C19orf12: variants seen among roughly 807,000 people sequenced by gnomAD.
C19orf12 encodes chromosome 19 open reading frame 12, also known as protein C19orf12.
A neutral mutation model predicts 3.8 loss-of-function variants in C19orf12; 2 were observed. The ratio of observed to expected loss-of-function variants is 0.53; its 90% CI spans 0.22 to 1.66. C19orf12 has a LOEUF of 1.66. Among genes scored for constraint, C19orf12 ranks in the 40% most tolerant of loss-of-function variants. The pLI is 0.20. For synonymous variants in C19orf12, 89 were observed against 84.6 expected (o/e 1.05, Z -0.28); for missense variants, 156 against 188.8 (o/e 0.83, Z 1.02).
At position 29,700,490 on chromosome 19, in the gene C19orf12, T is replaced by G. The variant is rs535994327; in HGVS notation, c.*2222A>C. ...GGGGGCATGCTCTGATTTTCCATTT[T>G]TAGTTCCAGGGTCCGTATGCAGGAC... is the stretch of plus-strand genomic sequence containing the variant. On this transcript the variant is annotated 3_prime_UTR_variant, in exon 3 of 3. Coordinates refer to ENST00000323670, the MANE Select transcript of C19orf12 (RefSeq NM_031448.6). The G allele has an allele frequency of 3.1e-4, 143 of 454,148 alleles. No homozygotes were observed. The highest frequency in any genetic ancestry group is 5.3e-4 in the South Asian group (34 of 64,474). The allele number at this position is 454,148 out of a possible 1,614,324, so 28.1% of individuals were successfully genotyped here. A position where few individuals can be genotyped will look rare whatever the true frequency, so the allele number is the denominator to read the frequency against.
At chr19:29,703,484 G>A (rs190688177) in intron 2 of C19orf12, among the ~76,000 whole-genome samples, 1 of 149,116 alleles carries the variant, frequency 6.7e-6, no homozygotes, top group South Asian at 2.1e-4. Context: ...AGGTTCAAGC[G>A]ATTCTCCCAC....
intron 1 of C19orf12, among the ~76,000 whole-genome samples, chr19:29,714,546 G>A (rs995669630): frequency 1.1e-4 from 16 of 152,080 alleles, no homozygotes; most frequent in African/African-American, 3.9e-4. Flanking sequence ...ACCTCCTAAA[G>A]CATTAACGAC....
At chr19:29,704,346 G>A (rs553555599) in intron 2 of C19orf12, among the ~76,000 whole-genome samples, 3 of 151,928 alleles carry the variant, frequency 2.0e-5, no homozygotes, top group Admixed American at 6.5e-5. Context: ...GTGGGTGCCT[G>A]TAATCCCAGC....
At position 29,700,386 on chromosome 19, in the gene C19orf12, A is replaced by G. The variant is rs1206491359; in HGVS notation, c.*2326T>C. ...TCTTTGTTGAGGTTTCATTCTCACG[A>G]TATCTGCAAATCAACGTTTTTTCCT... On this transcript the variant is annotated 3_prime_UTR_variant, in exon 3 of 3. Transcript: ENST00000323670. 5 of 454,168 alleles carry G rather than the reference A, an allele frequency of 1.1e-5. No homozygotes were observed. The highest frequency in any genetic ancestry group is 2.2e-5 in the Non-Finnish European group (5 of 226,804). The allele number at this position is 454,168 out of a possible 1,614,324, so 28.1% of individuals were successfully genotyped here.
intron 1 of C19orf12, 144 bp downstream of exon 1, chr19:29,714,981 C>T: frequency 1.4e-6 from 1 of 714,980 alleles, no homozygotes; most frequent in Non-Finnish European, 2.6e-6. Flanking sequence ...TCCACCCCGG[C>T]ACCGGGAGGG....
In C19orf12 at chr19:29,699,517, T is replaced by G; in HGVS notation, c.*3195A>C. On this transcript the variant is annotated 3_prime_UTR_variant, in exon 3 of 3. Transcript: ENST00000323670. ...AAAAAGAAAAAAAGAAAAAAATATATGTGTACCTACATAGCATTAAAACAA... is the reference window on the plus strand; with the variant it reads ...AAAAAGAAAAAAAGAAAAAAATATAGGTGTACCTACATAGCATTAAAACAA... 1 of 440,094 alleles carries G rather than the reference T, an allele frequency of 2.3e-6. No homozygotes were observed. The highest frequency in any genetic ancestry group is 1.7e-5 in the South Asian group (1 of 59,742). 27.3% of individuals were successfully genotyped at this position (440,094 alleles called of 1,614,324 possible).
At position 29,702,617 on chromosome 19, in the gene C19orf12, A is replaced by AG; in HGVS notation, c.*94dup. 2 of 1,523,228 alleles carry AG rather than the reference A, an allele frequency of 1.3e-6. No individual in the cohort carries two copies. The highest frequency in any genetic ancestry group is 1.8e-6 in the Non-Finnish European group (2 of 1,100,562). 94.4% of individuals were successfully genotyped at this position (1,523,228 alleles called of 1,614,324 possible). A position where few individuals can be genotyped will look rare whatever the true frequency, so the allele number is the denominator to read the frequency against. On this transcript the variant is annotated 3_prime_UTR_variant, in exon 3 of 3. Coordinates refer to ENST00000323670, the MANE Select transcript of C19orf12 (RefSeq NM_031448.6). ...TACACTGATGATGTGGAGATTCCCCAGGGGGCATCCGCTGGGCTTCTCCCA... is the reference window on the plus strand; with the variant it reads ...TACACTGATGATGTGGAGATTCCCCAGGGGGGCATCCGCTGGGCTTCTCCCA...
In C19orf12 at chr19:29,702,708, C is replaced by A. The variant is rs367912481; in HGVS notation, c.*4G>T. 5.6e-6 allele frequency: 9 copies of A among 1,613,212 alleles called. No individual in the cohort carries two copies. The African/African-American group carries it at 1.1e-4, about 19-fold the overall frequency. ...GGGGCCCCCCACCTCCCCGGAGGTG[C>A]GGCCTAGTCATCATACTGGATCTCG... On this transcript the variant is annotated 3_prime_UTR_variant, in exon 3 of 3. Transcript: ENST00000323670.
Position 29,701,646 on chromosome 19 carries a change from G to C in C19orf12, c.*1066C>G. ...GGTTTATATCACACCACTTCAGAAA[G>C]AGCAATACAGGCATACCTCATTCTA... On this transcript the variant is annotated 3_prime_UTR_variant, in exon 3 of 3. Coordinates refer to ENST00000323670, the MANE Select transcript of C19orf12 (RefSeq NM_031448.6). 4.4e-6 allele frequency: 2 copies of C among 453,976 alleles called. No individual in the cohort carries two copies. The highest frequency in any genetic ancestry group is 8.8e-6 in the Non-Finnish European group (2 of 226,776). 28.1% of individuals were successfully genotyped at this position (453,976 alleles called of 1,614,324 possible).
chr19:29,706,990 C>T (rs879383149), intron 2 of C19orf12, among the ~76,000 whole-genome samples: 5 of 152,228 alleles, frequency 3.3e-5, no homozygotes, highest in Admixed American at 6.5e-5. Flanking sequence ...GTAACTTCAT[C>T]CCAGCTCCAA....
In C19orf12 at chr19:29,702,944, AT is replaced by A; in HGVS notation, c.193del (p.Met65Ter). On this transcript the variant is annotated frameshift_variant, in exon 3 of 3. Transcript: ENST00000323670. LOFTEE classifies it high-confidence loss of function. ...GAVGGLLGAW[M>X]TSGQFKPVPQ... ...AACCGGCTTAAACTGTCCACTTGTC[AT>A]CCAGGCACCTAACAGCCCCCCGACA... is the stretch of plus-strand genomic sequence containing the variant. The A allele has an allele frequency of 1.2e-6, 2 of 1,614,164 alleles. No homozygotes were observed. Among genetic ancestry groups the A allele is most frequent in the Non-Finnish European group, 1.7e-6 (2 of 1,180,016 alleles).
chr19:29,715,337 C>A (rs1373414554), upstream of C19orf12: 1 of 390,562 alleles, frequency 2.6e-6, no homozygotes, highest in Non-Finnish European at 5.1e-6. Flanking sequence ...CTCCTGGCTC[C>A]GAGCTGCGCC....
rs1325356453 is a variant in C19orf12, at chr19:29,700,643, A to T, written c.*2069T>A. The T allele has an allele frequency of 6.6e-6, 3 of 453,972 alleles. No individual in the cohort carries two copies. The highest frequency in any genetic ancestry group is 1.3e-5 in the Non-Finnish European group (3 of 226,782). The allele number at this position is 453,972 out of a possible 1,614,324, so 28.1% of individuals were successfully genotyped here. A position where few individuals can be genotyped will look rare whatever the true frequency, so the allele number is the denominator to read the frequency against. ...CAACTTAAGTGGCATATAAATGATT[A>T]AAGTGGCTTCATTAACTCCAGGAGT... On this transcript the variant is annotated 3_prime_UTR_variant, in exon 3 of 3. Transcript: ENST00000323670.
chr19:29,707,900 CT>C (rs1972464080), intron 2 of C19orf12, among the ~76,000 whole-genome samples: 2 of 145,614 alleles, frequency 1.4e-5, no homozygotes, highest in Admixed American at 7.0e-5. Flanking sequence ...GAGATAGAGT[CT>C]CGTTCTGTCA....
rs931043321 is a variant in C19orf12, at chr19:29,701,884, A to T, written c.*828T>A. On this transcript the variant is annotated 3_prime_UTR_variant, in exon 3 of 3. Transcript: ENST00000323670. ...TTTAGTGGACTGCAATATGCAGTAA[A>T]CATGACTTAGATGCACTGGGAAACT... 1 of 454,054 alleles carries T rather than the reference A, an allele frequency of 2.2e-6. No homozygotes were observed. Among genetic ancestry groups the T allele is most frequent in the Non-Finnish European group, 4.4e-6 (1 of 226,810 alleles). The allele number at this position is 454,054 out of a possible 1,614,324, so 28.1% of individuals were successfully genotyped here.
At chr19:29,704,208 G>A (rs766850239) in intron 2 of C19orf12, among the ~76,000 whole-genome samples, 2 of 152,284 alleles carry the variant, frequency 1.3e-5, no homozygotes, top group South Asian at 2.1e-4. Flanking sequence ...AGTGGCTCAC[G>A]CCTGTAATCC....
At chr19:29,715,373 C>T (rs1031083784), upstream of C19orf12, 4 of 394,926 alleles carry the variant, frequency 1.0e-5, no homozygotes, top group Admixed American at 5.7e-5. Context: ...CCGGGGGTCG[C>T]TGCTGGGCAC....
intron 1 of C19orf12, among the ~76,000 whole-genome samples, chr19:29,710,045 G>C (rs1289001128): frequency 1.3e-5 from 2 of 151,528 alleles, no homozygotes; most frequent in Admixed American, 1.3e-4. Flanking sequence ...CTAATTTTTT[G>C]TTTTCATAGA....
rs941819667 is a variant in C19orf12 at position 29,699,245 on chromosome 19, A to G, written c.*3467T>C. On this transcript the variant is annotated 3_prime_UTR_variant, in exon 3 of 3. Transcript: ENST00000323670. ...CACTTTGGGAGGCTGAGGTGGGCAGATCACGAGGTAAGGAGATTGAGACCA... is the reference window on the plus strand; with the variant it reads ...CACTTTGGGAGGCTGAGGTGGGCAGGTCACGAGGTAAGGAGATTGAGACCA... 1.3e-5 allele frequency: 6 copies of G among 452,026 alleles called. No homozygotes were observed. The highest frequency in any genetic ancestry group is 2.7e-5 in the Non-Finnish European group (6 of 225,704). 28.0% of individuals were successfully genotyped at this position (452,026 alleles called of 1,614,324 possible).
Sources: gnomAD v4.1 joint callset for allele counts (sites outside exome capture counted in the v4.1 genomes callset) on GRCh38, gnomAD v4.1.1 for gene constraint, MANE v1.5 for transcripts, NCBI Gene and HGNC (gene_info 2026-07-23, HGNC 2026-07-21) for gene names.